ALK: variants seen among roughly 807,000 people sequenced by gnomAD.
ALK encodes the protein ALK receptor tyrosine kinase.
In ALK, 74 loss-of-function variants were observed where a neutral mutation model predicts 163.1. The observed-to-expected ratio is 0.45, with a 90% confidence interval of 0.38 to 0.55. The LOEUF (loss-of-function observed/expected upper bound fraction) is 0.55. Among genes scored for constraint, ALK ranks in the 20% least tolerant of loss-of-function variants. The pLI is 0.00. For missense variants in ALK, 2,063 were observed against 2,105.3 expected (o/e 0.98, Z 0.39); for synonymous variants, 960 against 843.2 (o/e 1.14, Z -2.40).
At chr2:29,537,027 G>T (rs1411156274) in intron 3 of ALK, among the ~76,000 whole-genome samples, 1 of 152,232 alleles carries the variant, frequency 6.6e-6, no homozygotes, top group Non-Finnish European at 1.5e-5. Context: ...GCAAAGAAAT[G>T]ACAAACTTGA....
rs34424748 is a variant in ALK at position 29,752,348 on chromosome 2, C to CTTT, written c.668-34654_668-34652dup. Among the ~76,000 whole-genome samples the CTTT allele has an allele frequency of 1.9e-4, 23 of 120,978 alleles. 1 individual carries two copies. The highest frequency in any genetic ancestry group is 5.9e-4 in the African/African-American group (17 of 28,822). 79.4% of individuals were successfully genotyped at this position (120,978 alleles called of 152,430 possible). A position where few individuals can be genotyped will look rare whatever the true frequency, so the allele number is the denominator to read the frequency against. On this transcript the variant is annotated intron_variant, in intron 1 of 28. Transcript: ENST00000389048. Reference sequence around the variant, plus strand: ...TTTGTGACTTCTGCTATTTTCTTTTCTTTTTTTTTTTTTTTTTTTGAGACG... The same window carrying CTTT: ...TTTGTGACTTCTGCTATTTTCTTTTCTTTTTTTTTTTTTTTTTTTTTTGAGACG...
At chr2:29,223,206 C>T in intron 20 of ALK, 136 bp downstream of exon 20, 1 of 861,166 alleles carries the variant, frequency 1.2e-6, no homozygotes, top group Non-Finnish European at 1.9e-6. Flanking sequence ...CAAGGCTTGT[C>T]CTCCTAGGAG....
intron 4 of ALK, among the ~76,000 whole-genome samples, chr2:29,492,096 C>T (rs1402038085): frequency 6.6e-6 from 1 of 152,056 alleles, no homozygotes; most frequent in Non-Finnish European, 1.5e-5. Flanking sequence ...TGAAAAATAT[C>T]ATCCTGGGTC....
chr2:29,309,961 A>G (rs984622554), intron 8 of ALK, among the ~76,000 whole-genome samples: 1 of 152,218 alleles, frequency 6.6e-6, no homozygotes, highest in Non-Finnish European at 1.5e-5. Flanking sequence ...TCATAATAAT[A>G]ATAATTGCTG....
intron 4 of ALK, among the ~76,000 whole-genome samples, chr2:29,433,564 C>T (rs1045485891): frequency 2.6e-5 from 4 of 152,172 alleles, no homozygotes; most frequent in African/African-American, 7.2e-5. Context: ...GTATCTCTTT[C>T]CTCTTTAATC....
chr2:29,315,965 T>A lies in ALK; in HGVS notation c.1647+2339A>T, dbSNP rs568386128. ...CCAAAACTCTGCCTAGTGTCCATCT[T>A]TCTGCACTCGGGCCCCATAGGCAAC... On this transcript the variant is annotated intron_variant, in intron 8 of 28. Transcript: ENST00000389048. Among the ~76,000 whole-genome samples, 35 of 152,282 alleles carry A rather than the reference T, an allele frequency of 2.3e-4. No individual in the cohort carries two copies. In the Middle Eastern group the frequency reaches 0.017, roughly 74 times the overall value.
chr2:29,409,567 C>A (rs1410622794), intron 4 of ALK, among the ~76,000 whole-genome samples: 1 of 152,202 alleles, frequency 6.6e-6, no homozygotes, highest in Non-Finnish European at 1.5e-5. Flanking sequence ...ACACAATTCA[C>A]AAGCCCAGAG....
chr2:29,918,629 C>T (rs937877514), intron 1 of ALK, among the ~76,000 whole-genome samples: 11 of 152,180 alleles, frequency 7.2e-5, no homozygotes, highest in African/African-American at 2.7e-4. Context: ...TTGGGGGTCA[C>T]ATACTAGTAT....
intron 1 of ALK, among the ~76,000 whole-genome samples, chr2:29,858,989 C>T (rs943806302): frequency 6.6e-6 from 1 of 152,136 alleles, no homozygotes; most frequent in South Asian, 2.1e-4. Flanking sequence ...GCCAGGATTA[C>T]ATCACTGCAC....
At chr2:29,791,375 A>G (rs1331080466) in intron 1 of ALK, among the ~76,000 whole-genome samples, 1 of 152,310 alleles carries the variant, frequency 6.6e-6, no homozygotes, top group Admixed American at 6.5e-5. Context: ...CAAACTACAC[A>G]AGAACAGAAA....
chr2:29,806,737 T>C (rs1021724635), intron 1 of ALK, among the ~76,000 whole-genome samples: 3 of 152,032 alleles, frequency 2.0e-5, no homozygotes, highest in African/African-American at 7.2e-5. Context: ...GATGGGGAAA[T>C]GGCTGATTCA....
At chr2:29,910,428 G>T (rs898374665) in intron 1 of ALK, among the ~76,000 whole-genome samples, 1 of 152,052 alleles carries the variant, frequency 6.6e-6, no homozygotes, top group African/African-American at 2.4e-5. Context: ...TAGAAAGGAG[G>T]AGCAGAAAAC....
At chr2:29,263,224 T>C (rs1284085655) in intron 11 of ALK, among the ~76,000 whole-genome samples, 3 of 152,338 alleles carry the variant, frequency 2.0e-5, no homozygotes, top group Admixed American at 1.3e-4. Context: ...TTTAATCTAG[T>C]GCATCACCAT....
rs367855128 is a variant in ALK, at chr2:29,200,745, A to G, written c.3939-3069T>C. 2.8e-3 allele frequency among the ~76,000 whole-genome samples: 308 copies of G among 108,852 alleles called. 3 individuals are homozygous for G. The highest frequency in any genetic ancestry group is 6.3e-3 in the African/African-American group (104 of 16,436). 71.4% of individuals were successfully genotyped at this position (108,852 alleles called of 152,430 possible). A position where few individuals can be genotyped will look rare whatever the true frequency, so the allele number is the denominator to read the frequency against. On this transcript the variant is annotated intron_variant, in intron 26 of 28. Coordinates refer to ENST00000389048, the MANE Select transcript of ALK (RefSeq NM_004304.5). ...CGTATATATGTATATATATACGTATATATATACGTATATATGTATATATAT... is the reference window on the plus strand; with the variant it reads ...CGTATATATGTATATATATACGTATGTATATACGTATATATGTATATATAT...
chr2:29,694,034 G>A (rs931770442), intron 3 of ALK, among the ~76,000 whole-genome samples: 5 of 152,140 alleles, frequency 3.3e-5, no homozygotes, highest in Admixed American at 6.5e-5. Context: ...CAAAAAGCCA[G>A]GAACATAGGC....
intron 4 of ALK, among the ~76,000 whole-genome samples, chr2:29,523,374 G>A (rs1672866485): frequency 6.6e-6 from 1 of 152,122 alleles, no homozygotes; most frequent in Admixed American, 6.5e-5. Context: ...TCATAACTGT[G>A]TCTGTCGTCC....
intron 13 of ALK, among the ~76,000 whole-genome samples, chr2:29,235,580 C>T (rs1664352548): frequency 6.6e-6 from 1 of 152,124 alleles, no homozygotes; most frequent in Non-Finnish European, 1.5e-5. Flanking sequence ...ACCCTGCTCA[C>T]TGCCACCTGG....
At chr2:29,710,073 T>C (rs773073452) in intron 2 of ALK, among the ~76,000 whole-genome samples, 2 of 152,188 alleles carry the variant, frequency 1.3e-5, no homozygotes, top group Non-Finnish European at 2.9e-5. Flanking sequence ...GTCTTCCGCA[T>C]GTTGTTCTCA....
intron 1 of ALK, among the ~76,000 whole-genome samples, chr2:29,918,701 C>CGT (rs1182860750): frequency 2.0e-5 from 3 of 151,904 alleles, no homozygotes; most frequent in Admixed American, 6.6e-5. Flanking sequence ...TGAGAGTACT[C>CGT]GTGTGTGTGT....
Sources: gnomAD v4.1 joint callset for allele counts (sites outside exome capture counted in the v4.1 genomes callset) on GRCh38, gnomAD v4.1.1 for gene constraint, MANE v1.5 for transcripts, NCBI Gene and HGNC (gene_info 2026-07-23, HGNC 2026-07-21) for gene names.